The following TBCE variants were observed in gnomAD, a reference collection of about 807,000 sequenced individuals.
TBCE encodes tubulin folding cofactor E.
In TBCE, 53 loss-of-function variants were observed where a neutral mutation model predicts 77.0. That is an observed-to-expected ratio of 0.69 (90% CI 0.55 to 0.87). TBCE has a LOEUF of 0.87. Ranked by LOEUF, TBCE falls within the 40% of genes least tolerant of loss-of-function variation. The pLI is 0.00. For missense variants in TBCE, 624 were observed against 622.4 expected (o/e 1.00, Z -0.03); for synonymous variants, 235 against 241.3 (o/e 0.97, Z 0.24).
At chr1:235,376,768 G>T (rs1677322116) in intron 1 of TBCE, among the ~76,000 whole-genome samples, 1 of 152,114 alleles carries the variant, frequency 6.6e-6, no homozygotes, top group African/African-American at 2.4e-5. Flanking sequence ...GAGGTCAGGA[G>T]TTTGAGACCA....
chr1:235,379,572 TG>T (rs1425010306), intron 1 of TBCE, among the ~76,000 whole-genome samples: 2 of 151,390 alleles, frequency 1.3e-5, no homozygotes, highest in Admixed American at 1.3e-4. Context: ...CTAGCGCAAA[TG>T]TATCGTTTGA....
chr1:235,379,546 C>CA (rs920041723), intron 1 of TBCE, among the ~76,000 whole-genome samples: 18 of 150,664 alleles, frequency 1.2e-4, no homozygotes, highest in African/African-American at 2.4e-4. Flanking sequence ...ACAACAAGAA[C>CA]AAAAAAAACA....
Position 235,430,807 on chromosome 1 carries a change from AATC to A in TBCE, c.660+6_660+8del. ...AAACAGGAATAACGTGGGCTGAGGT[AATC>A]ATATTTCTTTGTTTTATTACACATT... On this transcript the variant is annotated splice_donor_5th_base_variant and intron_variant, in intron 7 of 16. Coordinates refer to ENST00000642610, the MANE Select transcript of TBCE (RefSeq NM_003193.5). The A allele has an allele frequency of 6.2e-7, 1 of 1,610,744 alleles. No homozygotes were observed. The highest frequency in any genetic ancestry group is 8.5e-7 in the Non-Finnish European group (1 of 1,177,198).
intron 5 of TBCE, among the ~76,000 whole-genome samples, chr1:235,419,835 C>A (rs1282887687): frequency 6.7e-6 from 1 of 150,216 alleles, no homozygotes; most frequent in Non-Finnish European, 1.5e-5. Flanking sequence ...CGCCTGTAAT[C>A]CTAGCATTTT....
intron 2 of TBCE, among the ~76,000 whole-genome samples, chr1:235,391,871 C>T (rs1247551943): frequency 1.3e-5 from 2 of 151,908 alleles, no homozygotes; most frequent in African/African-American, 2.4e-5. Context: ...CCTCTCAAAG[C>T]GCTGGGATTA....
chr1:235,372,843 G>T, intron 1 of TBCE, among the ~76,000 whole-genome samples: 1 of 149,518 alleles, frequency 6.7e-6, no homozygotes, highest in East Asian at 2.0e-4. Flanking sequence ...AGAATGGCGT[G>T]AACCCGGGAG....
At chr1:235,407,499 G>A (rs1457161234) in intron 3 of TBCE, among the ~76,000 whole-genome samples, 2 of 152,186 alleles carry the variant, frequency 1.3e-5, no homozygotes, top group Non-Finnish European at 2.9e-5. Context: ...AGTGACAGTG[G>A]TGGGTAAGAT....
chr1:235,446,761 G>C (rs935072972), intron 15 of TBCE, among the ~76,000 whole-genome samples: 1 of 150,694 alleles, frequency 6.6e-6, no homozygotes, highest in Non-Finnish European at 1.5e-5. Context: ...ACAGTGGCGC[G>C]ATCATGGCTC....
At chr1:235,387,622 C>T (rs1204569760) in intron 2 of TBCE, among the ~76,000 whole-genome samples, 1 of 152,190 alleles carries the variant, frequency 6.6e-6, no homozygotes, top group Non-Finnish European at 1.5e-5. Context: ...GATATAATCT[C>T]CTGGTGTGCC....
rs1457031483 is a variant in TBCE, at chr1:235,387,125, C to T, written c.100+6976C>T. ...TGCAGAACAGCGGATTTTCGTGAAC[C>T]GCGAATGCTGCTGTCTGATCGTTCC... On this transcript the variant is annotated intron_variant, in intron 2 of 16. Transcript: ENST00000642610. Among the ~76,000 whole-genome samples the T allele has an allele frequency of 3.3e-5, 5 of 152,290 alleles. No homozygotes were observed. The East Asian group carries it at 5.8e-4, about 18-fold the overall frequency.
At position 235,401,609 on chromosome 1, in the gene TBCE, G is replaced by T. The variant is rs17543709; in HGVS notation, c.185+22G>T. On this transcript the variant is annotated intron_variant, in intron 3 of 16. Transcript: ENST00000642610. ...GCAGGTAACTTTTCATTATGAATCA[G>T]CACGGTCATTTAGTCAAGATTATAT... is the stretch of plus-strand genomic sequence containing the variant. 0.11 allele frequency: 181,378 copies of T among 1,583,674 alleles called. 12,123 individuals are homozygous for T. Among genetic ancestry groups the T allele is most frequent in the Non-Finnish European group, 0.13 (154,007 of 1,152,888 alleles).
rs1182281693 is a variant in TBCE at position 235,443,407 on chromosome 1, G to A, written c.1399+496G>A. ...TGTAGAGATGGGTTTTCGCCATGTT[G>A]CCCAGGCTGGTCTCGAATTCCTGAG... On this transcript the variant is annotated intron_variant, in intron 15 of 16. Transcript: ENST00000642610. Among the ~76,000 whole-genome samples, 6 of 152,174 alleles carry A rather than the reference G, an allele frequency of 3.9e-5. No individual in the cohort carries two copies. The South Asian group carries it at 8.3e-4, about 21-fold the overall frequency.
intron 7 of TBCE, chr1:235,433,219 A>G (rs1413681383): frequency 7.9e-7 from 1 of 1,266,638 alleles, no homozygotes; most frequent in Non-Finnish European, 1.0e-6. Flanking sequence ...CAAGGGCGTC[A>G]TCTCAACTAT....
chr1:235,442,657 G>C (rs1262401543), intron 14 of TBCE, among the ~76,000 whole-genome samples, 195 bp from the exon 15 acceptor site: 1 of 152,192 alleles, frequency 6.6e-6, no homozygotes, highest in Non-Finnish European at 1.5e-5. Flanking sequence ...GGGGAAAAGG[G>C]AAAGTATTGT....
intron 4 of TBCE, among the ~76,000 whole-genome samples, chr1:235,417,660 A>G (rs960027047): frequency 1.4e-4 from 21 of 152,220 alleles, no homozygotes; most frequent in Non-Finnish European, 5.9e-5. Context: ...AAGTACCATG[A>G]AAAAAATTAC....
intron 8 of TBCE, 42 bp downstream of exon 8, chr1:235,434,322 A>C: frequency 3.9e-6 from 6 of 1,520,960 alleles, no homozygotes; most frequent in Non-Finnish European, 5.5e-6. Context: ...CCATTTAATC[A>C]TCATTCTGAG....
chr1:235,378,493 A>C (rs1677430287), intron 1 of TBCE, among the ~76,000 whole-genome samples: 1 of 152,098 alleles, frequency 6.6e-6, no homozygotes, highest in Admixed American at 6.6e-5. Context: ...CAAAGCGCTG[A>C]GATTACAGGC....
chr1:235,391,600 CTTTT>C (rs58265980), intron 2 of TBCE, among the ~76,000 whole-genome samples: 40 of 85,402 alleles, frequency 4.7e-4, no homozygotes, highest in African/African-American at 1.7e-3. Flanking sequence ...GCTTCATTTC[CTTTT>C]TTTTTTTTTT....
Position 235,448,880 on chromosome 1 carries a change from A to G in TBCE, c.*118A>G. ...ACAAAGGGGGTTTACAACTTGTCCT[A>G]AGTATAACAAGGGATGTATTTTTTG... On this transcript the variant is annotated 3_prime_UTR_variant, in exon 17 of 17. Coordinates refer to ENST00000642610, the MANE Select transcript of TBCE (RefSeq NM_003193.5). 2.6e-6 allele frequency: 2 copies of G among 775,746 alleles called. No individual in the cohort carries two copies. Among genetic ancestry groups the G allele is most frequent in the South Asian group, 2.9e-5 (2 of 68,976 alleles). 48.1% of individuals were successfully genotyped at this position (775,746 alleles called of 1,614,324 possible). A position where few individuals can be genotyped will look rare whatever the true frequency, so the allele number is the denominator to read the frequency against.
Sources: allele counts gnomAD v4.1 joint callset (sites outside exome capture counted in the v4.1 genomes callset), GRCh38; gene constraint gnomAD v4.1.1; transcripts MANE v1.5; gene names NCBI Gene and HGNC (gene_info 2026-07-23, HGNC 2026-07-21).